CD96: variants seen among roughly 807,000 people sequenced by gnomAD.
The protein encoded by CD96 is CD96 molecule.
A neutral mutation model predicts 71.3 loss-of-function variants in CD96; 70 were observed. The ratio of observed to expected loss-of-function variants is 0.98; its 90% CI spans 0.81 to 1.20. CD96 has a LOEUF of 1.20. CD96 is among the 50% of genes most tolerant of loss of function. CD96 has a pLI of 0.00. For synonymous variants in CD96, 248 were observed against 233.0 expected (o/e 1.06, Z -0.59); for missense variants, 742 against 677.5 (o/e 1.10, Z -1.06).
At position 111,593,926 on chromosome 3, in the gene CD96, G is replaced by A. The variant is rs369180696; in HGVS notation, c.808-4194G>A. Reference sequence around the variant, plus strand: ...GCTTCCACAGTGCAGTGGTGCCCACGTTGACCCCAGGGCCACGGCTCACCT... The same window carrying A: ...GCTTCCACAGTGCAGTGGTGCCCACATTGACCCCAGGGCCACGGCTCACCT... On this transcript the variant is annotated intron_variant, in intron 5 of 13. Transcript: ENST00000352690. 156 of 1,613,742 alleles carry A rather than the reference G, an allele frequency of 9.7e-5. 1 individual carries two copies. The Middle Eastern group carries it at 4.9e-3, about 51-fold the overall frequency.
intron 13 of CD96, 68 bp from the exon 14 acceptor site, chr3:111,649,630 G>C: frequency 1.1e-6 from 1 of 917,700 alleles, no homozygotes; most frequent in South Asian, 1.3e-5. Flanking sequence ...AACAACACAT[G>C]TCTGTGTGTG....
intron 10 of CD96, among the ~76,000 whole-genome samples, chr3:111,628,037 G>A (rs1938863507): frequency 6.6e-6 from 1 of 151,946 alleles, no homozygotes; most frequent in Admixed American, 6.6e-5. Context: ...CCACAAAGAT[G>A]AGAAAGAATT....
chr3:111,556,500 C>A lies in CD96; in HGVS notation c.419-11023C>A, dbSNP rs544762775. Among the ~76,000 whole-genome samples, 608 of 123,956 alleles carry A rather than the reference C, an allele frequency of 4.9e-3. 2 individuals carry two copies. Among genetic ancestry groups the A allele is most frequent in the Middle Eastern group, 0.026 (7 of 272 alleles). 81.3% of individuals were successfully genotyped at this position (123,956 alleles called of 152,430 possible). A position where few individuals can be genotyped will look rare whatever the true frequency, so the allele number is the denominator to read the frequency against. On this transcript the variant is annotated intron_variant, in intron 2 of 13. Transcript: ENST00000352690. Reference sequence around the variant, plus strand: ...ATAGTTTACTGAGAAAGATGATTTCCAATTTCATCCATGTCCCTACAAAGG... The same window carrying A: ...ATAGTTTACTGAGAAAGATGATTTCAAATTTCATCCATGTCCCTACAAAGG...
At position 111,550,988 on chromosome 3, in the gene CD96, G is replaced by A. The variant is rs546176102; in HGVS notation, c.418+5586G>A. 1.2e-3 allele frequency among the ~76,000 whole-genome samples: 189 copies of A among 152,238 alleles called. 2 individuals carry two copies. The highest frequency in any genetic ancestry group is 2.3e-3 in the Non-Finnish European group (155 of 68,018). On this transcript the variant is annotated intron_variant, in intron 2 of 13. Coordinates refer to ENST00000352690, the MANE Select transcript of CD96 (RefSeq NM_005816.5). ...CCAAAAGGAAAACAAAAAGGCAAAG[G>A]ATTTGGGGTATAAGCAAAAATATTA... is the stretch of plus-strand genomic sequence containing the variant.
At chr3:111,594,874 A>C (rs537141777) in intron 5 of CD96, 1 of 167,256 alleles carries the variant, frequency 6.0e-6, no homozygotes, top group South Asian at 2.1e-4. Flanking sequence ...TTCCCAATGC[A>C]AGGTCAGTTT....
At chr3:111,567,788 A>C (rs1043757321) in intron 3 of CD96, 141 bp downstream of exon 3, 26 of 765,026 alleles carry the variant, frequency 3.4e-5, no homozygotes, top group Non-Finnish European at 5.0e-5. Context: ...GGGGTAGGGA[A>C]GGAAGGAGAG....
chr3:111,603,806 A>G (rs1399934418), intron 7 of CD96, among the ~76,000 whole-genome samples: 2 of 152,214 alleles, frequency 1.3e-5, no homozygotes, highest in Non-Finnish European at 2.9e-5. Context: ...TAATAAAAAG[A>G]TATCTTAATA....
At chr3:111,580,528 G>C (rs114185999) in intron 4 of CD96, among the ~76,000 whole-genome samples, 304 of 152,248 alleles carry the variant, frequency 2.0e-3, no homozygotes, top group African/African-American at 7.0e-3. Flanking sequence ...GACACAGGCT[G>C]CTAGATTGTT....
intron 2 of CD96, among the ~76,000 whole-genome samples, chr3:111,562,196 A>T (rs1344823852): frequency 1.3e-5 from 2 of 152,138 alleles, no homozygotes; most frequent in East Asian, 3.9e-4. Context: ...GGAGCTGTAG[A>T]CCGGAGCTGT....
At chr3:111,547,443 A>G (rs1014140432) in intron 2 of CD96, among the ~76,000 whole-genome samples, 3 of 152,216 alleles carry the variant, frequency 2.0e-5, no homozygotes, top group Admixed American at 1.3e-4. Context: ...TGCCTGAACC[A>G]GTAAACAATA....
At chr3:111,566,975 A>T (rs899416464) in intron 2 of CD96, among the ~76,000 whole-genome samples, 1 of 152,124 alleles carries the variant, frequency 6.6e-6, no homozygotes, top group African/African-American at 2.4e-5. Flanking sequence ...TAAACTATGA[A>T]CTTTGGGTGA....
intron 10 of CD96, among the ~76,000 whole-genome samples, chr3:111,629,507 T>A (rs1444408727): frequency 2.0e-5 from 3 of 152,184 alleles, no homozygotes. Flanking sequence ...AGCACTCAGA[T>A]TCATAAAGAA....
rs267599541 is a variant in CD96, at chr3:111,598,167, C to T, written c.855C>T (p.Ile285=). ...AGAATGTATTTCCCAAAGCAAATATCACATGGTTTATAGATGGAAGTTTTC... is the reference window on the plus strand; with the variant it reads ...AGAATGTATTTCCCAAAGCAAATATTACATGGTTTATAGATGGAAGTTTTC... ...LLKNVFPKAN[I]TWFIDGSFLH... The change falls in exon 6 of 14, where the codon ATC becomes ATT. Residue 285 remains isoleucine, a synonymous_variant. Coordinates refer to ENST00000352690, the MANE Select transcript of CD96 (RefSeq NM_005816.5). 1 of 1,498,222 alleles carries T rather than the reference C, an allele frequency of 6.7e-7. No individual in the cohort carries two copies. The highest frequency in any genetic ancestry group is 1.1e-5 in the South Asian group (1 of 88,590). The allele number at this position is 1,498,222 out of a possible 1,614,324, so 92.8% of individuals were successfully genotyped here. A position where few individuals can be genotyped will look rare whatever the true frequency, so the allele number is the denominator to read the frequency against.
At chr3:111,637,843 C>T (rs1367951791) in intron 11 of CD96, among the ~76,000 whole-genome samples, 1 of 149,828 alleles carries the variant, frequency 6.7e-6, no homozygotes, top group African/African-American at 2.5e-5. Context: ...TTTCAACCAA[C>T]AGGAATTTTT....
chr3:111,663,226 T>C (rs1299392903), intron 14 of CD96, among the ~76,000 whole-genome samples: 1 of 152,106 alleles, frequency 6.6e-6, no homozygotes, highest in Non-Finnish European at 1.5e-5. Context: ...GAGAACTCAC[T>C]CACTATCACA....
chr3:111,547,198 C>T (rs967875748), intron 2 of CD96, among the ~76,000 whole-genome samples: 4 of 152,078 alleles, frequency 2.6e-5, no homozygotes, highest in Admixed American at 6.6e-5. Flanking sequence ...CTGTGTAATG[C>T]ACTTAAACAT....
intron 3 of CD96, among the ~76,000 whole-genome samples, chr3:111,571,593 C>T (rs1164122911): frequency 1.3e-5 from 2 of 152,136 alleles, no homozygotes; most frequent in East Asian, 1.9e-4. Flanking sequence ...GAATCTTAAA[C>T]ATCCACTAGA....
chr3:111,600,962 A>G lies in CD96; in HGVS notation c.1087+48A>G, dbSNP rs756494099. ...TCAACAAGAGTTTGCTAAGACTGCC[A>G]TAAATTCAAAATATCTTTAATGGGA... On this transcript the variant is annotated intron_variant, in intron 7 of 13. Transcript: ENST00000352690. The G allele has an allele frequency of 2.5e-6, 3 of 1,183,804 alleles. No homozygotes were observed. In the South Asian group the frequency reaches 3.7e-5, roughly 15 times the overall value. 73.3% of individuals were successfully genotyped at this position (1,183,804 alleles called of 1,614,324 possible).
At chr3:111,605,156 C>G (rs1937588738) in intron 7 of CD96, among the ~76,000 whole-genome samples, 1 of 152,096 alleles carries the variant, frequency 6.6e-6, no homozygotes, top group African/African-American at 2.4e-5. Flanking sequence ...TGCCAGAATC[C>G]ATAAATATGG....
Sources: gnomAD v4.1 joint callset for allele counts (sites outside exome capture counted in the v4.1 genomes callset) on GRCh38, gnomAD v4.1.1 for gene constraint, MANE v1.5 for transcripts, NCBI Gene and HGNC (gene_info 2026-07-23, HGNC 2026-07-21) for gene names.